Variants in IREB2 observed in about 807,000 individuals in gnomAD.
IREB2 encodes iron-responsive element-binding protein 2.
IREB2 carries 39 observed loss-of-function variants against 118.8 expected under a neutral mutation model. That is an observed-to-expected ratio of 0.33 (90% confidence interval 0.25 to 0.43). The LOEUF is 0.43. IREB2 is among the 20% of genes least tolerant of loss of function. IREB2 has a pLI of 1.00. For missense variants in IREB2, 900 were observed against 1,147.3 expected (o/e 0.78, Z 3.11); for synonymous variants, 372 against 392.2 (o/e 0.95, Z 0.61).
intron 2 of IREB2, among the ~76,000 whole-genome samples, chr15:78,453,903 A>C (rs2051064642): frequency 6.6e-6 from 1 of 152,232 alleles, no homozygotes; most frequent in Non-Finnish European, 1.5e-5. Context: ...ATGTGTTTAC[A>C]TTAGTGCCAG....
chr15:78,455,704 T>G lies in IREB2; in HGVS notation c.107-7218T>G, dbSNP rs143193865. ...TAATTTAAGGGTTAAATGGAATAAT[T>G]TATATAAAGCACCTCTGCATCTGCC... is the stretch of plus-strand genomic sequence containing the variant. On this transcript the variant is annotated intron_variant, in intron 2 of 21. Coordinates refer to ENST00000258886, the MANE Select transcript of IREB2 (RefSeq NM_004136.4). Among the ~76,000 whole-genome samples, 497 of 152,352 alleles carry G rather than the reference T, an allele frequency of 3.3e-3. 1 individual carries two copies. Among genetic ancestry groups the G allele is most frequent in the Middle Eastern group, 0.01 (3 of 294 alleles).
chr15:78,440,114 T>TC (rs2050822305), intron 2 of IREB2, among the ~76,000 whole-genome samples: 1 of 152,162 alleles, frequency 6.6e-6, no homozygotes, highest in Non-Finnish European at 1.5e-5. Context: ...CACTAGTTTT[T>TC]CCCCTCAAAG....
chr15:78,466,600 G>A (rs2051287610), intron 5 of IREB2, 111 bp downstream of exon 5: 1 of 693,122 alleles, frequency 1.4e-6, no homozygotes, highest in Non-Finnish European at 2.4e-6. Context: ...TCACACTTAA[G>A]TACTGAATTG....
At chr15:78,488,109 T>C in intron 14 of IREB2, 71 bp from the exon 15 acceptor site, 1 of 1,424,712 alleles carries the variant, frequency 7.0e-7, no homozygotes, top group Non-Finnish European at 9.5e-7. Context: ...AGATTGCTTA[T>C]ATATGATTAT....
rs749025892 is a variant in IREB2 at position 78,497,163 on chromosome 15, T to C, written c.2633T>C (p.Ile878Thr). 5 of 1,613,838 alleles carry C rather than the reference T, an allele frequency of 3.1e-6. No individual in the cohort carries two copies. Among genetic ancestry groups the C allele is most frequent in the Non-Finnish European group, 4.2e-6 (5 of 1,179,846 alleles). Residue 878 changes from isoleucine to threonine, a missense_variant, in exon 21 of 22, where the codon ATA becomes ACA. Coordinates refer to ENST00000258886, the MANE Select transcript of IREB2 (RefSeq NM_004136.4). ...GTTTTGGCCGAAAGTTATGAAAAAA[T>C]ACACAAAGATCATTTGATTGGAATT... is the stretch of plus-strand genomic sequence containing the variant. ...KAVLAESYEK[I>T]HKDHLIGIGI...
chr15:78,494,715 G>A (rs1011884273), intron 20 of IREB2, among the ~76,000 whole-genome samples: 1 of 151,854 alleles, frequency 6.6e-6, no homozygotes, highest in Non-Finnish European at 1.5e-5. Flanking sequence ...CTGGGACTAC[G>A]CCATGAGTTA....
chr15:78,485,316 A>G (rs530227820), intron 12 of IREB2, among the ~76,000 whole-genome samples: 5 of 152,254 alleles, frequency 3.3e-5, no homozygotes, highest in Admixed American at 2.0e-4. Flanking sequence ...TTGTATGCCC[A>G]TTGGAACAAT....
intron 2 of IREB2, among the ~76,000 whole-genome samples, chr15:78,445,264 A>G (rs1404030875): frequency 1.3e-5 from 2 of 151,754 alleles, no homozygotes; most frequent in African/African-American, 4.8e-5. Context: ...CAGCCTCTGG[A>G]GTAGCTGGGA....
rs911996823 is a variant in IREB2 at position 78,494,186 on chromosome 15, C to T, written c.2517C>T (p.Ile839=). The T allele has an allele frequency of 2.5e-6, 4 of 1,613,796 alleles. No individual in the cohort carries two copies. Among genetic ancestry groups the T allele is most frequent in the Non-Finnish European group, 3.4e-6 (4 of 1,179,828 alleles). ...CAGAGCTGTACCAGAAAGAAGGTATCCCACTGATTATTTTAGCAGGAAAGA... is the reference window on the plus strand; with the variant it reads ...CAGAGCTGTACCAGAAAGAAGGTATTCCACTGATTATTTTAGCAGGAAAGA... ...EAAELYQKEG[I]PLIILAGKKY... The change falls in exon 20 of 22, where the codon ATC becomes ATT. Residue 839 remains isoleucine (I), a synonymous_variant. Coordinates refer to ENST00000258886, the MANE Select transcript of IREB2 (RefSeq NM_004136.4).
intron 2 of IREB2, among the ~76,000 whole-genome samples, chr15:78,459,905 G>A (rs558785166): frequency 1.3e-5 from 2 of 151,982 alleles, no homozygotes; most frequent in African/African-American, 4.8e-5. Context: ...GCTTCTTTGG[G>A]GTTTCATTTT....
chr15:78,466,575 A>G (rs2051287117), intron 5 of IREB2, 86 bp downstream of exon 5: 2 of 864,098 alleles, frequency 2.3e-6, no homozygotes, highest in Admixed American at 4.2e-5. Context: ...CCACCCAATT[A>G]CTATTATGTT....
chr15:78,455,794 G>A (rs551257839), intron 2 of IREB2, among the ~76,000 whole-genome samples: 1 of 152,266 alleles, frequency 6.6e-6, no homozygotes, highest in Non-Finnish European at 1.5e-5. Flanking sequence ...AAAGATATTT[G>A]TTATCTATTA....
At chr15:78,488,504 C>T (rs1566993260) in intron 15 of IREB2, 143 bp from the exon 16 acceptor site, 1 of 956,164 alleles carries the variant, frequency 1.0e-6, no homozygotes, top group Non-Finnish European at 1.5e-6. Context: ...ATAAAATGTA[C>T]AGGTAATTAG....
At chr15:78,447,942 G>A (rs1295822390) in intron 2 of IREB2, among the ~76,000 whole-genome samples, 1 of 152,196 alleles carries the variant, frequency 6.6e-6, no homozygotes, top group Non-Finnish European at 1.5e-5. Context: ...CTGGCTCCAG[G>A]TCCCAGCTAT....
intron 10 of IREB2, among the ~76,000 whole-genome samples, chr15:78,480,417 C>T (rs539245349): frequency 4.6e-5 from 7 of 152,216 alleles, no homozygotes; most frequent in Non-Finnish European, 7.3e-5. Flanking sequence ...CGGTGGCTCA[C>T]GCCTGTAATC....
intron 2 of IREB2, among the ~76,000 whole-genome samples, chr15:78,454,817 G>A (rs557928975): frequency 2.0e-5 from 3 of 152,148 alleles, no homozygotes; most frequent in Non-Finnish European, 4.4e-5. Flanking sequence ...CTTCAGCCTC[G>A]TTAGTAGTTA....
Position 78,498,512 on chromosome 15 carries a change from C to T in IREB2, c.*369C>T, listed in dbSNP as rs2051881349. ...AGTTTTGCACCAATAAAACTGTGTA[C>T]TACTGTTTGTTGGTTTAAGAGTAGC... On this transcript the variant is annotated 3_prime_UTR_variant, in exon 22 of 22. Transcript: ENST00000258886. 1 of 157,762 alleles carries T rather than the reference C, an allele frequency of 6.3e-6. No individual in the cohort carries two copies. Among genetic ancestry groups the T allele is most frequent in the Non-Finnish European group, 1.4e-5 (1 of 71,504 alleles). 9.8% of individuals were successfully genotyped at this position (157,762 alleles called of 1,614,324 possible).
chr15:78,490,389 G>A, intron 16 of IREB2, 33 bp from the exon 17 acceptor site: 2 of 1,403,602 alleles, frequency 1.4e-6, no homozygotes, highest in Non-Finnish European at 2.0e-6. Flanking sequence ...TTTTATCTTT[G>A]CTTTGGTTCA....
At chr15:78,482,276 A>T (rs1292713882) in intron 10 of IREB2, among the ~76,000 whole-genome samples, 1 of 152,162 alleles carries the variant, frequency 6.6e-6, no homozygotes, top group Non-Finnish European at 1.5e-5. Context: ...AAGTAGTTGG[A>T]TCAGTCAGAA....
Sources: gnomAD v4.1 joint callset for allele counts (sites outside exome capture counted in the v4.1 genomes callset) on GRCh38, gnomAD v4.1.1 for gene constraint, MANE v1.5 for transcripts, NCBI Gene and HGNC (gene_info 2026-07-23, HGNC 2026-07-21) for gene names.